Variants in GLB1 observed in about 807,000 individuals in gnomAD.
GLB1 encodes galactosidase beta 1.
Under a neutral mutation model 74.0 loss-of-function variants are expected in GLB1, and 56 were observed. The observed-to-expected ratio is 0.76, with a 90% confidence interval of 0.61 to 0.94. The LOEUF (loss-of-function observed/expected upper bound fraction) is 0.94. Among genes scored for constraint, GLB1 ranks in the 40% least tolerant of loss-of-function variants. The pLI is 0.00. For missense variants in GLB1, 787 were observed against 845.5 expected (o/e 0.93, Z 0.86); for synonymous variants, 323 against 323.6 (o/e 1.00, Z 0.02).
At chr3:32,984,186 C>T in the GLB1 span, among the ~76,000 whole-genome samples, 2 of 152,224 alleles carry the variant, frequency 1.3e-5, no homozygotes, top group African/African-American at 4.8e-5. Context: ...CTAGCCTCTG[C>T]TTACAACCTA....
intron 1 of GLB1, among the ~76,000 whole-genome samples, chr3:33,077,659 T>C (rs1243759019): frequency 2.0e-5 from 3 of 151,046 alleles, no homozygotes; most frequent in Non-Finnish European, 4.4e-5. Context: ...ATAAAGTAAC[T>C]GGTAAATGTG....
chr3:32,992,979 G>A (rs1036176707), downstream of GLB1, among the ~76,000 whole-genome samples: 5 of 152,196 alleles, frequency 3.3e-5, no homozygotes, highest in South Asian at 2.1e-4. Context: ...TCTGGACATC[G>A]GGGCGATTTT....
chr3:32,968,164 C>T, the GLB1 span, among the ~76,000 whole-genome samples: 6 of 152,086 alleles, frequency 3.9e-5, no homozygotes, highest in South Asian at 2.1e-4. Context: ...GCAGCCCTTA[C>T]GGGAAGAGAA....
chr3:33,077,352 G>A (rs1028689974), intron 1 of GLB1: 50 of 1,450,566 alleles, frequency 3.4e-5, no homozygotes, highest in African/African-American at 7.0e-5. Context: ...TGTTGTGAAC[G>A]ATAGGGATGG....
chr3:33,010,349 C>T (rs1696970587), intron 15 of GLB1, among the ~76,000 whole-genome samples: 1 of 152,142 alleles, frequency 6.6e-6, no homozygotes, highest in African/African-American at 2.4e-5. Context: ...TAATGTTGAA[C>T]ATTAATCAGC....
the GLB1 span, among the ~76,000 whole-genome samples, chr3:32,984,193 C>T: frequency 6.6e-6 from 1 of 152,094 alleles, no homozygotes; most frequent in Non-Finnish European, 1.5e-5. Flanking sequence ...CTGCTTACAA[C>T]CTATCAGGGA....
At chr3:32,995,784 G>A (rs1696297413), downstream of GLB1, among the ~76,000 whole-genome samples, 1 of 149,570 alleles carries the variant, frequency 6.7e-6, no homozygotes, top group African/African-American at 2.5e-5. Context: ...ATTCAAGGCT[G>A]CAATGAGCTA....
intron 5 of GLB1, among the ~76,000 whole-genome samples, chr3:33,061,379 A>T (rs1439450065): frequency 6.6e-6 from 1 of 152,214 alleles, no homozygotes; most frequent in African/African-American, 2.4e-5. Flanking sequence ...GCGCCACTGG[A>T]TTCCAGCCTG....
At chr3:32,978,904 G>T in the GLB1 span, among the ~76,000 whole-genome samples, 215 of 147,664 alleles carry the variant, frequency 1.5e-3, no homozygotes, top group African/African-American at 5.1e-3. Flanking sequence ...GGATTACAGG[G>T]GCCCACCACC....
intron 10 of GLB1, chr3:33,034,703 C>A: frequency 1.4e-6 from 1 of 719,892 alleles, no homozygotes. Flanking sequence ...TAAGGTGACC[C>A]TGAGGAAGCA....
chr3:33,023,530 G>A (rs1322416549), intron 11 of GLB1, among the ~76,000 whole-genome samples: 7 of 151,664 alleles, frequency 4.6e-5, no homozygotes, highest in South Asian at 2.1e-4. Context: ...TTAGGATATC[G>A]AGATTCTTAA....
chr3:33,007,560 C>T (rs1696839507), intron 15 of GLB1, among the ~76,000 whole-genome samples: 1 of 152,186 alleles, frequency 6.6e-6, no homozygotes, highest in South Asian at 2.1e-4. Flanking sequence ...CTTTTTATTG[C>T]TGAATCATAT....
At chr3:33,094,073 A>G (rs1166365050) in intron 1 of GLB1, 48 of 1,614,234 alleles carry the variant, frequency 3.0e-5, no homozygotes, top group Non-Finnish European at 3.9e-5. Flanking sequence ...GAAGCAGCCA[A>G]CGCCAGGCCC....
chr3:32,970,111 A>G, the GLB1 span, among the ~76,000 whole-genome samples: 1 of 152,246 alleles, frequency 6.6e-6, no homozygotes, highest in South Asian at 2.1e-4. Context: ...TCTAACTCTA[A>G]GATCAGACAA....
chr3:32,994,151 T>C (rs1178692797), downstream of GLB1, among the ~76,000 whole-genome samples: 2 of 152,162 alleles, frequency 1.3e-5, no homozygotes, highest in Non-Finnish European at 2.9e-5. Context: ...TTCTTCATAA[T>C]AGTCAAAACT....
At chr3:33,028,945 G>A (rs1241593628) in intron 10 of GLB1, among the ~76,000 whole-genome samples, 2 of 152,170 alleles carry the variant, frequency 1.3e-5, no homozygotes, top group Non-Finnish European at 2.9e-5. Context: ...TTACAGGCGT[G>A]AGCCACTGCG....
At chr3:32,961,550 G>T in the GLB1 span, among the ~76,000 whole-genome samples, 12 of 152,324 alleles carry the variant, frequency 7.9e-5, 1 homozygote, top group South Asian at 2.5e-3. Flanking sequence ...AGTCTCTGTG[G>T]CAGCAGAAAA....
At position 33,039,198 on chromosome 3, in the gene GLB1, G is replaced by A. The variant is rs564656974; in HGVS notation, c.1068+6922C>T. On this transcript the variant is annotated intron_variant, in intron 10 of 15. Transcript: ENST00000307363. ...CCAGCTACTCAGGAGGCTGAGGCAG[G>A]AGAATCACTTAAACCCAGGAGGTGG... is the stretch of plus-strand genomic sequence containing the variant. Among the ~76,000 whole-genome samples, 4 of 150,676 alleles carry A rather than the reference G, an allele frequency of 2.7e-5. No individual in the cohort carries two copies. In the East Asian group the frequency reaches 7.9e-4, roughly 30 times the overall value.
chr3:32,962,049 C>T, the GLB1 span, among the ~76,000 whole-genome samples: 323 of 151,548 alleles, frequency 2.1e-3, 1 homozygote, highest in African/African-American at 6.8e-3. Context: ...CAAAAATTAG[C>T]TGGGCATGGT....
Sources: gnomAD v4.1 joint callset for allele counts (sites outside exome capture counted in the v4.1 genomes callset) on GRCh38, gnomAD v4.1.1 for gene constraint, MANE v1.5 for transcripts, NCBI Gene and HGNC (gene_info 2026-07-23, HGNC 2026-07-21) for gene names.